MED13L: variants seen among roughly 807,000 people sequenced by gnomAD.
MED13L encodes the protein mediator complex subunit 13L, also known as mediator of RNA polymerase II transcription subunit 13-like.
In MED13L, 7 loss-of-function variants were observed where a neutral mutation model predicts 220.9. The observed-to-expected ratio is 0.03, with a 90% CI of 0.02 to 0.06. The LOEUF (loss-of-function observed/expected upper bound fraction) is 0.06. Among genes scored for constraint, MED13L ranks in the 10% least tolerant of loss-of-function variants. MED13L has a pLI of 1.00. For missense variants in MED13L, 1,965 were observed against 2,760.5 expected, an observed-to-expected ratio of 0.71 and a Z score of 6.46; for synonymous variants, 1,011 against 1,015.2, an observed-to-expected ratio of 1.00 and a Z score of 0.08.
intron 2 of MED13L, among the ~76,000 whole-genome samples, chr12:116,122,329 A>T (rs1875173372): frequency 1.3e-5 from 2 of 152,186 alleles, no homozygotes; most frequent in African/African-American, 4.8e-5. Flanking sequence ...CTTCACACAT[A>T]AAAAAATCCA....
intron 2 of MED13L, among the ~76,000 whole-genome samples, chr12:116,125,893 TTC>T (rs76725291): frequency 0.073 from 11,166 of 152,296 alleles, 450 homozygotes; most frequent in Middle Eastern, 0.11. Flanking sequence ...ACATATGAAT[TTC>T]TGTTACAATT....
chr12:116,199,394 C>CT (rs1881854505), intron 2 of MED13L, among the ~76,000 whole-genome samples: 1 of 152,192 alleles, frequency 6.6e-6, no homozygotes, highest in Non-Finnish European at 1.5e-5. Context: ...TTCACGCACA[C>CT]TTTATTTTTA....
intron 4 of MED13L, among the ~76,000 whole-genome samples, chr12:116,027,113 G>C (rs16946512): frequency 0.012 from 1,774 of 152,168 alleles, 34 homozygotes; most frequent in African/African-American, 0.038. Flanking sequence ...ACATTTTTCT[G>C]AACAGATCAT....
chr12:116,171,532 T>A (rs540526525), intron 2 of MED13L, among the ~76,000 whole-genome samples: 1 of 152,318 alleles, frequency 6.6e-6, no homozygotes, highest in Non-Finnish European at 1.5e-5. Context: ...CTTTAACCAT[T>A]CCTCATTTAC....
At chr12:116,212,729 C>A (rs2138358006) in intron 2 of MED13L, among the ~76,000 whole-genome samples, 1 of 152,170 alleles carries the variant, frequency 6.6e-6, no homozygotes, top group South Asian at 2.1e-4. Flanking sequence ...ATAAGTTCAC[C>A]CTTAATAATC....
At chr12:115,989,098 C>T (rs1315714695) in intron 17 of MED13L, among the ~76,000 whole-genome samples, 1 of 152,116 alleles carries the variant, frequency 6.6e-6, no homozygotes, top group Non-Finnish European at 1.5e-5. Flanking sequence ...ACTCTACTGA[C>T]CTCTGGACAT....
At chr12:116,068,895 A>G (rs1033582976) in intron 4 of MED13L, among the ~76,000 whole-genome samples, 1 of 152,120 alleles carries the variant, frequency 6.6e-6, no homozygotes, top group Admixed American at 6.6e-5. Flanking sequence ...TTAAGGTTCA[A>G]AACTTGAGAA....
At chr12:116,240,989 T>C (rs1442624252) in intron 1 of MED13L, among the ~76,000 whole-genome samples, 5 of 151,820 alleles carry the variant, frequency 3.3e-5, no homozygotes, top group Non-Finnish European at 7.4e-5. Flanking sequence ...GCCTTGTGGA[T>C]GAGGGAAGAG....
intron 2 of MED13L, among the ~76,000 whole-genome samples, chr12:116,214,141 A>G (rs1195618881): frequency 6.6e-6 from 1 of 152,198 alleles, no homozygotes; most frequent in Non-Finnish European, 1.5e-5. Context: ...TTTCACTTAA[A>G]ACAAAAAAGT....
chr12:116,042,065 G>A (rs1881566092), intron 4 of MED13L, among the ~76,000 whole-genome samples: 1 of 152,170 alleles, frequency 6.6e-6, no homozygotes, highest in Non-Finnish European at 1.5e-5. Context: ...TGTTAGAATA[G>A]TAATTGCCCT....
intron 4 of MED13L, among the ~76,000 whole-genome samples, chr12:116,049,206 T>C (rs1882011680): frequency 1.3e-5 from 2 of 152,194 alleles, no homozygotes; most frequent in Non-Finnish European, 2.9e-5. Flanking sequence ...TTTTAGGCAT[T>C]AGTGACTGTC....
At chr12:116,096,562 G>T in intron 4 of MED13L, 107 bp downstream of exon 4, 1 of 764,612 alleles carries the variant, frequency 1.3e-6, no homozygotes, top group Non-Finnish European at 2.3e-6. Context: ...ATCTATTTGA[G>T]TATATCTAAA....
chr12:116,140,502 CAT>C (rs763774634), intron 2 of MED13L, among the ~76,000 whole-genome samples: 3 of 152,138 alleles, frequency 2.0e-5, no homozygotes, highest in Non-Finnish European at 4.4e-5. Context: ...TACCCACACA[CAT>C]ATATAGATAC....
intron 2 of MED13L, among the ~76,000 whole-genome samples, chr12:116,227,180 C>T (rs1869089311): frequency 6.6e-6 from 1 of 152,120 alleles, no homozygotes; most frequent in Non-Finnish European, 1.5e-5. Context: ...CAAAGGTAGC[C>T]TTCTGCTTCA....
chr12:116,205,777 G>A (rs890452115), intron 2 of MED13L, among the ~76,000 whole-genome samples: 2 of 151,908 alleles, frequency 1.3e-5, no homozygotes, highest in Non-Finnish European at 2.9e-5. Flanking sequence ...CATTCCTGGA[G>A]CTTGAGAAAG....
intron 1 of MED13L, chr12:116,276,714 G>A: frequency 4.3e-6 from 4 of 941,124 alleles, no homozygotes; most frequent in Non-Finnish European, 5.6e-6. Context: ...CATTTACGGG[G>A]GGAAAAAAAG....
intron 4 of MED13L, among the ~76,000 whole-genome samples, chr12:116,032,558 T>C (rs917704142): frequency 6.6e-6 from 1 of 152,182 alleles, no homozygotes; most frequent in African/African-American, 2.4e-5. Context: ...ATTCAAACAA[T>C]CACAATTTGA....
At chr12:116,248,368 T>C (rs1236627028) in intron 1 of MED13L, among the ~76,000 whole-genome samples, 1 of 152,052 alleles carries the variant, frequency 6.6e-6, no homozygotes, top group East Asian at 1.9e-4. Flanking sequence ...CCTCTAGAAA[T>C]AAATCCCTGA....
At chr12:116,097,313 T>C (rs1872705940) in intron 3 of MED13L, among the ~76,000 whole-genome samples, 2 of 152,056 alleles carry the variant, frequency 1.3e-5, no homozygotes, top group African/African-American at 4.8e-5. Context: ...GTCTGGCTAA[T>C]TTTTGTACTT....
Sources: allele counts gnomAD v4.1 joint callset (sites outside exome capture counted in the v4.1 genomes callset), GRCh38; gene constraint gnomAD v4.1.1; transcripts MANE v1.5; gene names NCBI Gene and HGNC (gene_info 2026-07-23, HGNC 2026-07-21).